Variants in PPFIBP2 observed in about 807,000 individuals in gnomAD.
PPFIBP2 encodes the protein PPFIB scaffold protein 2.
Under a neutral mutation model 118.3 loss-of-function variants are expected in PPFIBP2, and 118 were observed. The observed-to-expected ratio is 1.00, with a 90% CI of 0.86 to 1.16. PPFIBP2 has a LOEUF of 1.16. Ranked by LOEUF, PPFIBP2 falls within the 50% of genes most tolerant of loss-of-function variation. The probability of loss-of-function intolerance (pLI) is 0.00; values close to 1 mark genes in which losing one functional copy is unlikely to be tolerated. For synonymous variants in PPFIBP2, 414 were observed against 397.4 expected (o/e 1.04, Z -0.50); for missense variants, 1,195 against 1,073.1 (o/e 1.11, Z -1.59).
rs1390714632 is a variant in PPFIBP2 at position 7,653,249 on chromosome 11, G to A, written c.*31G>A. On this transcript the variant is annotated 3_prime_UTR_variant, in exon 24 of 24. Transcript: ENST00000299492. ...TTGTCACCTGCCCTCTGTGCACCCTGAGAGCTCACAGTAACACTGTGTGTG... is the reference window on the plus strand; with the variant it reads ...TTGTCACCTGCCCTCTGTGCACCCTAAGAGCTCACAGTAACACTGTGTGTG... The A allele has an allele frequency of 1.9e-6, 3 of 1,613,214 alleles. No individual in the cohort carries two copies. Among genetic ancestry groups the A allele is most frequent in the Non-Finnish European group, 2.5e-6 (3 of 1,179,834 alleles).
intron 3 of PPFIBP2, among the ~76,000 whole-genome samples, chr11:7,580,454 A>G (rs1444965167): frequency 1.3e-5 from 2 of 152,224 alleles, no homozygotes; most frequent in East Asian, 3.8e-4. Flanking sequence ...CTGGTGCCAG[A>G]GCAGGAGCCC....
At chr11:7,585,802 G>C (rs1311208522) in intron 3 of PPFIBP2, among the ~76,000 whole-genome samples, 1 of 152,192 alleles carries the variant, frequency 6.6e-6, no homozygotes, top group Admixed American at 6.5e-5. Context: ...GGAGGCCGCT[G>C]GGGGTTAACT....
chr11:7,590,563 T>C (rs2135199406), intron 3 of PPFIBP2, among the ~76,000 whole-genome samples: 1 of 152,272 alleles, frequency 6.6e-6, no homozygotes, highest in East Asian at 1.9e-4. Context: ...CTGTTCTAGG[T>C]CCTCTAACAG....
chr11:7,610,543 A>G (rs192358836), intron 6 of PPFIBP2, 121 bp downstream of exon 6: 1 of 1,343,324 alleles, frequency 7.4e-7, no homozygotes, highest in Non-Finnish European at 1.0e-6. Context: ...TCTATACACT[A>G]GAGATGCAGT....
intron 2 of PPFIBP2, among the ~76,000 whole-genome samples, chr11:7,556,602 A>C (rs553807879): frequency 6.6e-6 from 1 of 151,678 alleles, no homozygotes; most frequent in African/African-American, 2.4e-5. Flanking sequence ...AGTTTTAACA[A>C]CCTCTCCAGT....
intron 3 of PPFIBP2, among the ~76,000 whole-genome samples, chr11:7,569,993 C>G (rs897125777): frequency 6.6e-6 from 1 of 152,130 alleles, no homozygotes; most frequent in Non-Finnish European, 1.5e-5. Context: ...CTGGCATATG[C>G]TGGCATGTAA....
chr11:7,656,511 T>G (rs1244707167), downstream of PPFIBP2, among the ~76,000 whole-genome samples: 2 of 152,224 alleles, frequency 1.3e-5, no homozygotes, highest in Non-Finnish European at 2.9e-5. Flanking sequence ...GGCCTGAAAA[T>G]AGAAAATTTA....
intron 2 of PPFIBP2, among the ~76,000 whole-genome samples, chr11:7,564,584 G>T (rs1326264181): frequency 6.6e-6 from 1 of 152,202 alleles, no homozygotes; most frequent in Non-Finnish European, 1.5e-5. Flanking sequence ...CCCAAACATA[G>T]TGGCTTAAAA....
intron 5 of PPFIBP2, chr11:7,606,049 C>A: frequency 6.5e-7 from 1 of 1,527,812 alleles, no homozygotes. Flanking sequence ...AGTCAAAAGC[C>A]TGAAGGAAGT....
chr11:7,627,316 A>C (rs1850154161), intron 8 of PPFIBP2, among the ~76,000 whole-genome samples: 1 of 152,246 alleles, frequency 6.6e-6, no homozygotes, highest in South Asian at 2.1e-4. Flanking sequence ...ATAATGAGCA[A>C]GCAATTCTCC....
intron 5 of PPFIBP2, among the ~76,000 whole-genome samples, chr11:7,608,644 A>AAAAC (rs71470486): frequency 3.3e-5 from 5 of 152,116 alleles, no homozygotes; most frequent in African/African-American, 4.8e-5. Flanking sequence ...CTGTCTCAAA[A>AAAAC]AAACAAACAA....
chr11:7,517,896 A>G (rs1849376111), intron 1 of PPFIBP2, among the ~76,000 whole-genome samples: 1 of 152,208 alleles, frequency 6.6e-6, no homozygotes, highest in Non-Finnish European at 1.5e-5. Context: ...CGGTCCCTGC[A>G]GGGGCCGCTC....
intron 1 of PPFIBP2, among the ~76,000 whole-genome samples, chr11:7,525,993 T>A (rs1850197651): frequency 6.6e-6 from 1 of 152,174 alleles, no homozygotes; most frequent in Non-Finnish European, 1.5e-5. Context: ...CCTATGGTAG[T>A]GATGTCAAAG....
chr11:7,662,768 A>G, the PPFIBP2 span, among the ~76,000 whole-genome samples: 1 of 151,378 alleles, frequency 6.6e-6, no homozygotes, highest in South Asian at 2.1e-4. Context: ...CATTCTCCCC[A>G]TCACATTCAG....
At chr11:7,528,015 C>A (rs1850376443) in intron 1 of PPFIBP2, among the ~76,000 whole-genome samples, 1 of 152,196 alleles carries the variant, frequency 6.6e-6, no homozygotes, top group Non-Finnish European at 1.5e-5. Flanking sequence ...GATACCTGAT[C>A]ATCTCAAGTT....
intron 3 of PPFIBP2, among the ~76,000 whole-genome samples, chr11:7,583,808 A>G (rs772347924): frequency 4.6e-5 from 7 of 152,276 alleles, no homozygotes; most frequent in South Asian, 4.1e-4. Context: ...TGTGTTTGCT[A>G]TGTTAGTTCT....
At chr11:7,608,282 G>A (rs1020401775) in intron 5 of PPFIBP2, among the ~76,000 whole-genome samples, 3 of 152,140 alleles carry the variant, frequency 2.0e-5, no homozygotes, top group Non-Finnish European at 4.4e-5. Context: ...TTCTTTCTCT[G>A]TTTGGGAAAC....
intron 3 of PPFIBP2, among the ~76,000 whole-genome samples, chr11:7,588,599 C>T (rs1858639683): frequency 6.6e-6 from 1 of 152,216 alleles, no homozygotes; most frequent in South Asian, 2.1e-4. Context: ...GTCACTGTTT[C>T]TGAAGACACT....
Position 7,565,636 on chromosome 11 carries a change from G to C in PPFIBP2, c.148G>C (p.Val50Leu). The C allele has an allele frequency of 1.2e-6, 2 of 1,614,206 alleles. No individual in the cohort carries two copies. Among genetic ancestry groups the C allele is most frequent in the South Asian group, 2.2e-5 (2 of 91,082 alleles). ...SPASYMNPFPVLHLIEDLRLA... is the reference protein window; with the variant it reads ...SPASYMNPFPLLHLIEDLRLA... ...GGCCTCCTACATGAACCCCTTCCCGGTGCTCCATCTCATCGAGGACTTGAG... is the reference window on the plus strand; with the variant it reads ...GGCCTCCTACATGAACCCCTTCCCGCTGCTCCATCTCATCGAGGACTTGAG... Residue 50 changes from valine to leucine, a missense_variant, in exon 3 of 24, where the codon GTG (valine) becomes CTG (leucine). Transcript: ENST00000299492.
Sources: gnomAD v4.1 joint callset for allele counts (sites outside exome capture counted in the v4.1 genomes callset) on GRCh38, gnomAD v4.1.1 for gene constraint, MANE v1.5 for transcripts, NCBI Gene and HGNC (gene_info 2026-07-23, HGNC 2026-07-21) for gene names.